Variants in MEFV observed in about 807,000 individuals in gnomAD.
MEFV encodes MEFV innate immunity regulator, pyrin, also known as pyrin.
MEFV carries 60 observed loss-of-function variants against 62.5 expected under a neutral mutation model. The ratio of observed to expected loss-of-function variants is 0.96; its 90% CI spans 0.78 to 1.19. The LOEUF (loss-of-function observed/expected upper bound fraction) is 1.19, where lower values mean the gene tolerates loss of function less well. MEFV is among the 50% of genes most tolerant of loss of function. The pLI, the probability that MEFV is intolerant of heterozygous loss-of-function variation, is 0.00. For synonymous variants in MEFV, 500 were observed against 415.2 expected (o/e 1.20, Z -2.48); for missense variants, 1,169 against 1,004.5 (o/e 1.16, Z -2.21).
chr16:3,245,625 C>T (rs149336489), intron 6 of MEFV, among the ~76,000 whole-genome samples: 126 of 151,272 alleles, frequency 8.3e-4, no homozygotes, highest in African/African-American at 1.9e-3. Context: ...CAGAGCAAGA[C>T]GCTGTCTTCA....
intron 2 of MEFV, among the ~76,000 whole-genome samples, chr16:3,251,141 A>G (rs1457682355): frequency 2.6e-5 from 4 of 151,930 alleles, no homozygotes; most frequent in Admixed American, 2.0e-4. Context: ...TGAGACTGCT[A>G]GTAGTCACCA....
rs1356359505 is a variant in MEFV at position 3,243,580 on chromosome 16, A to C, written c.1907T>G (p.Phe636Cys). The C allele has an allele frequency of 3.7e-6, 6 of 1,606,546 alleles. No individual in the cohort carries two copies. Among genetic ancestry groups the C allele is most frequent in the Non-Finnish European group, 5.1e-6 (6 of 1,175,482 alleles). The change falls in exon 10 of 10, where the codon TTT becomes TGT. Residue 636 changes from phenylalanine (F) to cysteine (C), a missense_variant. Phe to Cys is a radical substitution (Grantham distance 205). Coordinates refer to ENST00000219596, the MANE Select transcript of MEFV (RefSeq NM_000243.3). ...WERLPDGPQR[F>C]DSCIIVLGSP... is the part of the protein sequence containing the mutation. ...GCCCAGAACAATGATACAGCTGTCA[A>C]ATCTTTGCGGGCCATCAGGCAGCCT...
chr16:3,255,179 C>T (rs184219449), intron 1 of MEFV, among the ~76,000 whole-genome samples: 3 of 152,140 alleles, frequency 2.0e-5, no homozygotes, highest in Admixed American at 6.5e-5. Context: ...CAGCCAGACG[C>T]GGTGGTGCGC....
At position 3,256,301 on chromosome 16, in the gene MEFV, G is replaced by T. The variant is rs1300810336; in HGVS notation, c.277+10C>A. 1 of 1,612,742 alleles carries T rather than the reference G, an allele frequency of 6.2e-7. No homozygotes were observed. The highest frequency in any genetic ancestry group is 8.5e-7 in the Non-Finnish European group (1 of 1,179,750). On this transcript the variant is annotated intron_variant, in intron 1 of 9. Coordinates refer to ENST00000219596, the MANE Select transcript of MEFV (RefSeq NM_000243.3). Reference sequence around the variant, plus strand: ...AGCACTGGATGAGGAGGAGGCCTGGGCCCGCTTACCCTGAATGGCTGCCCT... The same window carrying T: ...AGCACTGGATGAGGAGGAGGCCTGGTCCCGCTTACCCTGAATGGCTGCCCT...
Position 3,244,333 on chromosome 16 carries a change from C to G in MEFV, c.1727-47G>C, listed in dbSNP as rs199545037. 9.2e-5 allele frequency: 148 copies of G among 1,613,122 alleles called. No individual in the cohort carries two copies. The East Asian group carries it at 3.0e-3, about 32-fold the overall frequency. ...AGAGAGAAGCTGGAGTTAGGTCCCT[C>G]AGCCAGGGACAGATGGAGGAGAGGT... is the stretch of plus-strand genomic sequence containing the variant. On this transcript the variant is annotated intron_variant, in intron 7 of 9. Transcript: ENST00000219596.
chr16:3,254,015 C>T (rs1008392532), intron 2 of MEFV, 143 bp downstream of exon 2: 4 of 900,434 alleles, frequency 4.4e-6, no homozygotes, highest in African/African-American at 3.3e-5. Flanking sequence ...ACTACATTCA[C>T]CAGGCTGGTC....
At position 3,252,014 on chromosome 16, in the gene MEFV, C is replaced by T. The variant is rs775884552; in HGVS notation, c.910+2144G>A. 35 of 408,772 alleles carry T rather than the reference C, an allele frequency of 8.6e-5. 1 individual carries two copies. Among genetic ancestry groups the T allele is most frequent in the South Asian group, 4.7e-4 (27 of 57,364 alleles). The allele number at this position is 408,772 out of a possible 1,614,324, so 25.3% of individuals were successfully genotyped here. On this transcript the variant is annotated intron_variant, in intron 2 of 9. Transcript: ENST00000219596. ...GGAGGATTGTTTGAGATCAGGAGTT[C>T]GAGACCAACCTGGGCAACATAGCAA...
rs1002291138 is a variant in MEFV at position 3,254,618 on chromosome 16, C to G, written c.450G>C (p.Gly150=). The change falls in exon 2 of 10, where the codon GGG becomes GGC. Residue 150 remains glycine (G), a synonymous_variant. Transcript: ENST00000219596. ...TCAGGGGCTTCCTCGACAGCCCCCT[C>G]CCGGCCTCGGGCTGGCTGCACCGCA... ...ASLRCSQPEA[G]RGLSRKPLSK... 1 of 1,603,814 alleles carries G rather than the reference C, an allele frequency of 6.2e-7. No homozygotes were observed. Among genetic ancestry groups the G allele is most frequent in the South Asian group, 1.1e-5 (1 of 90,780 alleles).
In MEFV at chr16:3,254,725, G is replaced by A. The variant is rs147557169; in HGVS notation, c.343C>T (p.Pro115Ser). The A allele has an allele frequency of 3.1e-6, 5 of 1,612,710 alleles. No individual in the cohort carries two copies. The African/African-American group carries it at 5.3e-5, about 17-fold the overall frequency. The stretch of plus-strand genomic sequence containing the variant: ...TGGTCTGGAGTCTTCAGGCTCCTGG[G>A]CTTGTTCTCCCCCAGGGAGCTGGAC... The part of the protein sequence containing the change: ...AASSSLGENK[P>S]RSLKTPDHPE... Residue 115 changes from proline (P) to serine (S), a missense_variant, in exon 2 of 10, where the codon CCC (proline) becomes TCC (serine). Physicochemically the swap from Pro to Ser is moderately conservative, Grantham distance 74. Transcript: ENST00000219596.
Position 3,254,625 on chromosome 16 carries a change from T to TCGGGCTGGCTGCACCG in MEFV, c.427_442dup (p.Glu148AlafsTer99), listed in dbSNP as rs876660992. 6 of 1,604,812 alleles carry TCGGGCTGGCTGCACCG rather than the reference T, an allele frequency of 3.7e-6. No homozygotes were observed. The highest frequency in any genetic ancestry group is 1.3e-5 in the African/African-American group (1 of 74,750). On this transcript the variant is annotated frameshift_variant, in exon 2 of 10. Coordinates refer to ENST00000219596, the MANE Select transcript of MEFV (RefSeq NM_000243.3). LOFTEE classifies it high-confidence loss of function. Reference sequence around the variant, plus strand: ...CTTCCTCGACAGCCCCCTCCCGGCCTCGGGCTGGCTGCACCGCAGGCTGGC... The same window carrying TCGGGCTGGCTGCACCG: ...CTTCCTCGACAGCCCCCTCCCGGCCTCGGGCTGGCTGCACCGCGGGCTGGCTGCACCGCAGGCTGGC...
In MEFV at chr16:3,243,863, C is replaced by G. The variant is rs754163287; in HGVS notation, c.1789G>C (p.Ala597Pro). The change falls in exon 9 of 10, where the codon GCT becomes CCT. Residue 597 changes from alanine (A) to proline (P), a missense_variant. Coordinates refer to ENST00000219596, the MANE Select transcript of MEFV (RefSeq NM_000243.3). ...VPELIGAQAHAVNVILDAETA... is the reference protein window; with the variant it reads ...VPELIGAQAHPVNVILDAETA... ...TTGCCTTGATCTGGGCACTTACCAG[C>G]ATGTGCCTGAGCGCCAATCAGCTCC... is the stretch of plus-strand genomic sequence containing the variant. 1 of 1,613,868 alleles carries G rather than the reference C, an allele frequency of 6.2e-7. No homozygotes were observed. The highest frequency in any genetic ancestry group is 1.7e-5 in the Admixed American group (1 of 60,024).
At chr16:3,254,914 G>C (rs1361826659) in intron 1 of MEFV, 124 bp from the exon 2 acceptor site, 1 of 1,496,806 alleles carries the variant, frequency 6.7e-7, no homozygotes, top group Non-Finnish European at 9.1e-7. Flanking sequence ...CAACGGGCCG[G>C]GCGCGGTGGC....
At position 3,247,027 on chromosome 16, in the gene MEFV, C is replaced by A; in HGVS notation, c.1576G>T (p.Glu526Ter). ...CCAGGCACACCCACCTGCAGAAGTTCCCATTCTGACTGGCACTCCTTGGCC... is the reference window on the plus strand; with the variant it reads ...CCAGGCACACCCACCTGCAGAAGTTACCATTCTGACTGGCACTCCTTGGCC... Reference protein sequence around the residue: ...LEAKECQSEWELLQDIGDILH... With the variant: ...LEAKECQSEW Residue 526 changes from glutamate to a stop codon, truncating the protein, a stop_gained, in exon 5 of 10, where the codon GAA becomes TAA. Coordinates refer to ENST00000219596, the MANE Select transcript of MEFV (RefSeq NM_000243.3). LOFTEE classifies it high-confidence loss of function. 6.2e-7 allele frequency: 1 copy of A among 1,614,180 alleles called. No homozygotes were observed. Among genetic ancestry groups the A allele is most frequent in the East Asian group, 2.2e-5 (1 of 44,878 alleles).
chr16:3,243,514 TCCAC>T lies in MEFV; in HGVS notation c.1969_1972del (p.Val657ArgfsTer17). 1 of 1,613,830 alleles carries T rather than the reference TCCAC, an allele frequency of 6.2e-7. No individual in the cohort carries two copies. Among genetic ancestry groups the T allele is most frequent in the East Asian group, 2.2e-5 (1 of 44,872 alleles). ...GATCCATGCTGTCTTGTCTCCAACC[TCCAC>T]CTCCCAGTAACGGCGGCCAGAGAGG... On this transcript the variant is annotated frameshift_variant, in exon 10 of 10. Coordinates refer to ENST00000219596, the MANE Select transcript of MEFV (RefSeq NM_000243.3). LOFTEE classifies it low-confidence loss of function (END_TRUNC).
chr16:3,252,025 T>C (rs1959041336), intron 2 of MEFV: 1 of 403,638 alleles, frequency 2.5e-6, no homozygotes, highest in South Asian at 1.8e-5. Flanking sequence ...GAGACCAACC[T>C]GGGCAACATA....
chr16:3,254,225 G>A lies in MEFV; in HGVS notation c.843C>T (p.Pro281=). Residue 281 remains proline, a synonymous_variant, in exon 2 of 10, where the codon CCC becomes CCT. Transcript: ENST00000219596. ...CCGCAGATGCCCCTCCATCCGGAGT[G>A]GGCCTTGCCCGGGGTTCTGTTGCCG... The part of the protein sequence containing the change: ...LDSATEPRAR[P]TPDGGASADL... 6.2e-7 allele frequency: 1 copy of A among 1,614,268 alleles called. No individual in the cohort carries two copies. The highest frequency in any genetic ancestry group is 8.5e-7 in the Non-Finnish European group (1 of 1,180,042).
At position 3,254,596 on chromosome 16, in the gene MEFV, G is replaced by A; in HGVS notation, c.472C>T (p.Leu158=). Residue 158 remains leucine (L), a synonymous_variant, in exon 2 of 10, where the codon CTG becomes TTG. Coordinates refer to ENST00000219596, the MANE Select transcript of MEFV (RefSeq NM_000243.3). ...EAGRGLSRKP[L]SKRREKASEG... ...GAGGCCTTCTCTCTGCGTTTGCTCA[G>A]GGGCTTCCTCGACAGCCCCCTCCCG... 6.3e-7 allele frequency: 1 copy of A among 1,596,962 alleles called. No individual in the cohort carries two copies. Among genetic ancestry groups the A allele is most frequent in the Non-Finnish European group, 8.5e-7 (1 of 1,174,576 alleles).
At chr16:3,244,313 G>C (rs543724764) in intron 7 of MEFV, 27 bp from the exon 8 acceptor site, 30 of 1,614,004 alleles carry the variant, frequency 1.9e-5, no homozygotes, top group Non-Finnish European at 2.5e-5. Context: ...GGAGCAGAGA[G>C]AAGCTGGAGT....
intron 4 of MEFV, 84 bp downstream of exon 4, chr16:3,248,825 C>G (rs986926773): frequency 3.7e-5 from 59 of 1,607,392 alleles, no homozygotes; most frequent in Non-Finnish European, 4.8e-5. Context: ...CCCTGTGAAC[C>G]ACAGCAGAAT....
Sources: allele counts gnomAD v4.1 joint callset (sites outside exome capture counted in the v4.1 genomes callset), GRCh38; gene constraint gnomAD v4.1.1; transcripts MANE v1.5; gene names NCBI Gene and HGNC (gene_info 2026-07-23, HGNC 2026-07-21).